The following OR2AT4 variants were observed in gnomAD, a reference collection of about 807,000 sequenced individuals.
The protein encoded by OR2AT4 is olfactory receptor 2AT4.
Under a neutral mutation model 10.3 loss-of-function variants are expected in OR2AT4, and 6 were observed. That is an observed-to-expected ratio of 0.58 (90% CI 0.32 to 1.15). OR2AT4 has a LOEUF of 1.15. OR2AT4 is among the 50% of genes most tolerant of loss of function. The pLI is 0.05. For synonymous variants in OR2AT4, 145 were observed against 159.1 expected, an observed-to-expected ratio of 0.91 and a Z score of 0.67; for missense variants, 354 against 393.8, an observed-to-expected ratio of 0.90 and a Z score of 0.85.
chr11:75,090,934 G>A (rs975608852), intron 1 of OR2AT4, among the ~76,000 whole-genome samples: 1 of 152,182 alleles, frequency 6.6e-6, no homozygotes, highest in African/African-American at 2.4e-5. Flanking sequence ...AAGGAGGGAT[G>A]GGGAATGCGG....
exon 2 of OR2AT4, chr11:75,086,066 G>A (rs1281362818): frequency 6.6e-6 from 1 of 152,078 alleles, no homozygotes; most frequent in Non-Finnish European, 1.5e-5. Context: ...TGACAAAAGT[G>A]TAAAGGCAAT....
At chr11:75,093,442 G>A (rs1388894176) in intron 1 of OR2AT4, among the ~76,000 whole-genome samples, 1 of 152,234 alleles carries the variant, frequency 6.6e-6, no homozygotes, top group Non-Finnish European at 1.5e-5. Context: ...GTGCCCAAAG[G>A]CAGAAGACCC....
chr11:75,085,668 G>T (rs976400423), exon 2 of OR2AT4: 7 of 151,968 alleles, frequency 4.6e-5, no homozygotes, highest in African/African-American at 1.7e-4. Context: ...ACCAAATGGG[G>T]TTCATCCCAG....
Position 75,089,183 on chromosome 11 carries a change from G to C in OR2AT4, c.531C>G (p.Ala177=), listed in dbSNP as rs1471523327. The change falls in exon 2 of 2, where the codon GCC becomes GCG. Residue 177 remains alanine, a synonymous_variant. Transcript: ENST00000641504. ...GATCACAGAAGCAGTGGTAGATGTA[G>C]GCAATGCTGTTATATGCCATCTGGG... 1.9e-6 allele frequency: 3 copies of C among 1,614,172 alleles called. No homozygotes were observed. The South Asian group carries it at 3.3e-5, about 18-fold the overall frequency.
exon 2 of OR2AT4, chr11:75,082,230 C>T (rs1388414205): frequency 6.6e-6 from 1 of 152,052 alleles, no homozygotes; most frequent in Non-Finnish European, 1.5e-5. Flanking sequence ...TGCATACCTA[C>T]AGCCATATGA....
rs371386328 is a variant in OR2AT4, at chr11:75,085,001, A to G, written c.*3750T>C. ...TTAGAAAAATGATCAAATTAAACCCAAAGTATGTAGAAGGAAAAAAAATAT... is the reference window on the plus strand; with the variant it reads ...TTAGAAAAATGATCAAATTAAACCCGAAGTATGTAGAAGGAAAAAAAATAT... On this transcript the variant is annotated 3_prime_UTR_variant, in exon 2 of 2. Transcript: ENST00000641504. The G allele has an allele frequency of 8.5e-4, 129 of 152,252 alleles. 1 individual carries two copies. The highest frequency in any genetic ancestry group is 2.9e-3 in the African/African-American group (122 of 41,580). The allele number at this position is 152,252 out of a possible 1,614,324, so 9.4% of individuals were successfully genotyped here. A position where few individuals can be genotyped will look rare whatever the true frequency, so the allele number is the denominator to read the frequency against.
exon 2 of OR2AT4, chr11:75,087,341 TAAAATGATA>T (rs1828801452): frequency 6.6e-6 from 1 of 152,166 alleles, no homozygotes; most frequent in South Asian, 2.1e-4. Context: ...CATGGTAAAA[TAAAATGATA>T]AAAATGGTTT....
chr11:75,089,212 T>TC lies in OR2AT4; in HGVS notation c.501dup (p.Thr168AspfsTer7). On this transcript the variant is annotated frameshift_variant, in exon 2 of 2. Coordinates refer to ENST00000641504, the Ensembl canonical transcript of OR2AT4. LOFTEE classifies it high-confidence loss of function. ...ATGCTGTTATATGCCATCTGGGAGG[T>TC]CCTTACTACTGCTGGGATGGGCAGG... is the stretch of plus-strand genomic sequence containing the variant. 1.2e-6 allele frequency: 2 copies of TC among 1,613,896 alleles called. No homozygotes were observed. Among genetic ancestry groups the TC allele is most frequent in the South Asian group, 2.2e-5 (2 of 91,050 alleles).
At chr11:75,090,616 T>C (rs931599752) in intron 1 of OR2AT4, among the ~76,000 whole-genome samples, 23 of 152,098 alleles carry the variant, frequency 1.5e-4, no homozygotes, top group Admixed American at 5.9e-4. Flanking sequence ...CAGAGAGTCA[T>C]AGATGAGAGA....
chr11:75,088,343 A>G (rs1949299666), exon 2 of OR2AT4: 1 of 153,968 alleles, frequency 6.5e-6, no homozygotes, highest in Admixed American at 6.5e-5. Flanking sequence ...ATTAAGTGAA[A>G]AATAACATTT....
chr11:75,088,971 G>C, exon 2 of OR2AT4: 4 of 1,614,192 alleles, frequency 2.5e-6, no homozygotes, highest in Non-Finnish European at 3.4e-6. Context: ...CAGAAGGTGG[G>C]AGCTGCAGGT....
chr11:75,089,813 G>A, exon 2 of OR2AT4: 2 of 1,211,156 alleles, frequency 1.7e-6, no homozygotes, highest in Admixed American at 2.3e-5. Flanking sequence ...GAGTGATAAT[G>A]CTATAATGTT....
exon 2 of OR2AT4, chr11:75,087,275 G>A (rs1159802280): frequency 1.3e-5 from 2 of 152,094 alleles, no homozygotes; most frequent in East Asian, 3.8e-4. Flanking sequence ...GTTAGGTGAA[G>A]GATATATGGG....
chr11:75,088,561 A>AT, exon 2 of OR2AT4: 1 of 513,450 alleles, frequency 1.9e-6, no homozygotes, highest in Non-Finnish European at 3.0e-6. Context: ...GCTTTTAAGA[A>AT]TTTTTTGCCA....
exon 2 of OR2AT4, chr11:75,089,919 T>C: frequency 3.8e-6 from 2 of 521,356 alleles, no homozygotes; most frequent in African/African-American, 1.9e-5. Context: ...AACGCAAAAT[T>C]TGTCAAATAT....
At chr11:75,082,477 G>A (rs1179763771) in exon 2 of OR2AT4, 3 of 151,654 alleles carry the variant, frequency 2.0e-5, no homozygotes, top group Admixed American at 1.3e-4. Flanking sequence ...TAAATAAATA[G>A]TGCTAGGATA....
intron 1 of OR2AT4, among the ~76,000 whole-genome samples, chr11:75,096,379 C>A (rs1170923703): frequency 6.6e-6 from 1 of 152,152 alleles, no homozygotes; most frequent in Admixed American, 6.5e-5. Context: ...TCATGCAGTT[C>A]TCTCATGATA....
chr11:75,082,525 C>T (rs1224622261), exon 2 of OR2AT4: 1 of 152,084 alleles, frequency 6.6e-6, no homozygotes, highest in African/African-American at 2.4e-5. Context: ...AACTGCACCC[C>T]TACCTTTCAC....
chr11:75,091,621 C>T (rs1949320646), intron 1 of OR2AT4, among the ~76,000 whole-genome samples: 1 of 152,006 alleles, frequency 6.6e-6, no homozygotes, highest in Non-Finnish European at 1.5e-5. Flanking sequence ...AAATTAAGCC[C>T]AGAGATAGAA....
Sources: gnomAD v4.1 joint callset for allele counts (sites outside exome capture counted in the v4.1 genomes callset) on GRCh38, gnomAD v4.1.1 for gene constraint, MANE v1.5 for transcripts, NCBI Gene and HGNC (gene_info 2026-07-23, HGNC 2026-07-21) for gene names.